Variants in OGDH observed in about 807,000 individuals in gnomAD.
OGDH encodes the protein 2-oxoglutarate dehydrogenase complex component E1.
A neutral mutation model predicts 116.6 loss-of-function variants in OGDH; 38 were observed. That is an observed-to-expected ratio of 0.33 (90% CI 0.25 to 0.43). The LOEUF is 0.43. OGDH is among the 20% of genes least tolerant of loss of function. The probability of loss-of-function intolerance (pLI) is 1.00; values close to 1 mark genes in which losing one functional copy is unlikely to be tolerated. For synonymous variants in OGDH, 488 were observed against 533.3 expected (o/e 0.92, Z 1.17); for missense variants, 825 against 1,357.2 (o/e 0.61, Z 6.16).
chr7:44,639,992 C>G (rs983209922), intron 2 of OGDH, among the ~76,000 whole-genome samples: 5 of 152,152 alleles, frequency 3.3e-5, no homozygotes, highest in African/African-American at 1.2e-4. Context: ...AGTTGTATTC[C>G]AAGCACAAAA....
At chr7:44,671,875 A>C (rs1452836549) in intron 5 of OGDH, among the ~76,000 whole-genome samples, 2 of 151,026 alleles carry the variant, frequency 1.3e-5, no homozygotes, top group East Asian at 3.9e-4. Flanking sequence ...CAAGACCATC[A>C]TGGCTAACAT....
chr7:44,673,901 G>T lies in OGDH; in HGVS notation c.748G>T (p.Glu250Ter). The change falls in exon 6 of 23, where the codon GAG (glutamate) becomes TAG (stop). Residue 250 changes from glutamate (E) to a stop codon, truncating the protein, a stop_gained. Coordinates refer to ENST00000222673, the MANE Select transcript of OGDH (RefSeq NM_002541.4). LOFTEE classifies it high-confidence loss of function. The stretch of plus-strand genomic sequence containing the variant: ...TGGGATCATGCAGTTCACAAATGAG[G>T]AGAAACGGACCCTGCTGGCCAGGCT... ...TPGIMQFTNE[E>*]KRTLLARLVR... 1 of 1,614,256 alleles carries T rather than the reference G, an allele frequency of 6.2e-7. No homozygotes were observed. The highest frequency in any genetic ancestry group is 8.5e-7 in the Non-Finnish European group (1 of 1,180,044).
At chr7:44,612,310 A>T (rs1005281274) in intron 1 of OGDH, among the ~76,000 whole-genome samples, 1 of 152,204 alleles carries the variant, frequency 6.6e-6, no homozygotes, top group African/African-American at 2.4e-5. Context: ...GCTCATAAGA[A>T]GTCTCAAAAT....
Position 44,707,312 on chromosome 7 carries a change from A to G in OGDH, c.2720A>G (p.Lys907Arg). The G allele has an allele frequency of 2.5e-6, 4 of 1,614,254 alleles. No homozygotes were observed. The highest frequency in any genetic ancestry group is 2.5e-6 in the Non-Finnish European group (3 of 1,180,040). The change falls in exon 21 of 23, where the codon AAA becomes AGA. Residue 907 changes from lysine to arginine, a missense_variant. This residue lies in a region of OGDH where 212 missense variants were observed against 284.3 expected (regional missense o/e 0.75). Coordinates refer to ENST00000222673, the MANE Select transcript of OGDH (RefSeq NM_002541.4). The surrounding 1 kb of genome is among the most constrained non-coding windows in gnomAD (Gnocchi z 5.2). ...NVKRLLFCTG[K>R]VYYDLTRERK... is the part of the protein sequence containing the mutation. ...AAAAGGCTTCTCTTCTGCACCGGCAAAGTGTATTATGACCTCACCCGGGAG... is the reference window on the plus strand; with the variant it reads ...AAAAGGCTTCTCTTCTGCACCGGCAGAGTGTATTATGACCTCACCCGGGAG...
At chr7:44,692,335 AAAGG>A (rs1788399698) in intron 10 of OGDH, among the ~76,000 whole-genome samples, 1 of 152,244 alleles carries the variant, frequency 6.6e-6, no homozygotes, top group South Asian at 2.1e-4. Flanking sequence ...AGTAGAGACT[AAAGG>A]AAGTATAGCT....
chr7:44,694,667 A>C lies in OGDH; in HGVS notation c.1668+91A>C. The C allele has an allele frequency of 7.0e-7, 1 of 1,438,354 alleles. No homozygotes were observed. The highest frequency in any genetic ancestry group is 9.7e-7 in the Non-Finnish European group (1 of 1,033,992). The allele number at this position is 1,438,354 out of a possible 1,614,324, so 89.1% of individuals were successfully genotyped here. A position where few individuals can be genotyped will look rare whatever the true frequency, so the allele number is the denominator to read the frequency against. On this transcript the variant is annotated intron_variant, in intron 12 of 22. Transcript: ENST00000222673. This position sits in a 1 kb window ranked among gnomAD's most constrained non-coding sequence, Gnocchi z 4.2. ...CACAGGGCCAGTTCTCACTTTTGCC[A>C]GTTATGAGGATACACGTGAGAGGAT...
At chr7:44,685,526 A>G (rs1788091622) in intron 10 of OGDH, among the ~76,000 whole-genome samples, 2 of 152,154 alleles carry the variant, frequency 1.3e-5, no homozygotes, top group Admixed American at 6.5e-5. Context: ...TCATCAGTGG[A>G]TACTTGGGTT....
At chr7:44,625,264 A>G (rs993569411) in intron 2 of OGDH, among the ~76,000 whole-genome samples, 1 of 152,212 alleles carries the variant, frequency 6.6e-6, no homozygotes, top group East Asian at 1.9e-4. Flanking sequence ...AACTGGGACT[A>G]CAGGTGCACG....
chr7:44,648,919 C>G (rs1241107170), intron 4 of OGDH, among the ~76,000 whole-genome samples: 3 of 152,038 alleles, frequency 2.0e-5, no homozygotes, highest in African/African-American at 7.2e-5. Context: ...ACTTTGTGCT[C>G]CCAAGAAGAG....
chr7:44,653,456 G>C (rs1042822143), intron 4 of OGDH, among the ~76,000 whole-genome samples: 2 of 152,204 alleles, frequency 1.3e-5, no homozygotes, highest in Admixed American at 1.3e-4. Context: ...ACTGTCTGTG[G>C]TTTCGGTATA....
intron 5 of OGDH, among the ~76,000 whole-genome samples, chr7:44,668,918 C>A (rs1787302996): frequency 6.6e-6 from 1 of 152,170 alleles, no homozygotes; most frequent in Non-Finnish European, 1.5e-5. Context: ...TTGAATGTTG[C>A]TGATCTGTGA....
At chr7:44,632,638 G>A (rs1159647223) in intron 2 of OGDH, among the ~76,000 whole-genome samples, 2 of 151,568 alleles carry the variant, frequency 1.3e-5, no homozygotes, top group East Asian at 2.0e-4. Flanking sequence ...GTTGTTTTGA[G>A]ATGGACTTTC....
At chr7:44,644,444 A>G (rs1445364796) in intron 2 of OGDH, among the ~76,000 whole-genome samples, 1 of 152,258 alleles carries the variant, frequency 6.6e-6, no homozygotes, top group East Asian at 1.9e-4. Context: ...AGGAAATTCA[A>G]ACTGATAACT....
At chr7:44,701,390 TTC>T (rs1788824254) in intron 19 of OGDH, among the ~76,000 whole-genome samples, 151 bp from the exon 20 acceptor site, 1 of 152,160 alleles carries the variant, frequency 6.6e-6, no homozygotes, top group Non-Finnish European at 1.5e-5. Context: ...TTTTCCCTCC[TTC>T]TCTGCCTCTT....
intron 2 of OGDH, among the ~76,000 whole-genome samples, chr7:44,643,081 G>A (rs1321929940): frequency 2.2e-5 from 3 of 133,764 alleles, no homozygotes; most frequent in East Asian, 4.3e-4. Flanking sequence ...AACAGAGCAA[G>A]ACCCTGTTTC....
intron 1 of OGDH, among the ~76,000 whole-genome samples, chr7:44,621,137 G>C (rs115672396): frequency 6.6e-6 from 1 of 152,104 alleles, no homozygotes. Context: ...GGAGTGGCAC[G>C]ATCATAGCTT....
At chr7:44,665,713 A>G (rs1298958961) in intron 4 of OGDH, among the ~76,000 whole-genome samples, 2 of 152,210 alleles carry the variant, frequency 1.3e-5, no homozygotes, top group East Asian at 1.9e-4. Context: ...TTCACTGTGC[A>G]TTCCTGGAGC....
intron 5 of OGDH, among the ~76,000 whole-genome samples, chr7:44,669,543 C>T (rs756567638): frequency 1.3e-4 from 20 of 151,972 alleles, no homozygotes; most frequent in Non-Finnish European, 2.1e-4. Flanking sequence ...CTCTCAGGGG[C>T]CTGTTCAGGA....
In OGDH at chr7:44,708,261, C is replaced by A; in HGVS notation, c.*262C>A. ...GGGGGAGCAGGAGGAGGAAAGGTAG[C>A]CCCCGAGGGATGTCCTTGGGGAGGG... On this transcript the variant is annotated 3_prime_UTR_variant, in exon 23 of 23. Transcript: ENST00000222673. The A allele has an allele frequency of 2.3e-6, 1 of 435,346 alleles. No individual in the cohort carries two copies. Among genetic ancestry groups the A allele is most frequent in the South Asian group, 2.7e-5 (1 of 36,430 alleles). 27.0% of individuals were successfully genotyped at this position (435,346 alleles called of 1,614,324 possible).
Sources: gnomAD v4.1 joint callset for allele counts (sites outside exome capture counted in the v4.1 genomes callset) on GRCh38, gnomAD v4.1.1 for gene constraint, gnomAD v4.1.1 regional missense constraint, Gnocchi (gnomAD v3.1) non-coding constraint, MANE v1.5 for transcripts, NCBI Gene and HGNC (gene_info 2026-07-23, HGNC 2026-07-21) for gene names.